NRXN3: variants seen among roughly 807,000 people sequenced by gnomAD.
NRXN3 encodes neurexin III.
Under a neutral mutation model 137.6 loss-of-function variants are expected in NRXN3, and 32 were observed. The observed-to-expected ratio is 0.23, with a 90% CI of 0.18 to 0.31. NRXN3 has a LOEUF of 0.31. NRXN3 is among the 10% of genes least tolerant of loss of function. NRXN3 has a pLI of 1.00. For synonymous variants in NRXN3, 798 were observed against 784.5 expected (o/e 1.02, Z -0.29); for missense variants, 1,574 against 2,062.5 (o/e 0.76, Z 4.59).
At chr14:78,907,704 C>A (rs901251636) in intron 10 of NRXN3, among the ~76,000 whole-genome samples, 1 of 152,006 alleles carries the variant, frequency 6.6e-6, no homozygotes, top group Non-Finnish European at 1.5e-5. Flanking sequence ...AAACTTGTGT[C>A]ATGGGGGTTT....
At chr14:79,074,439 C>T (rs1432964277) in intron 15 of NRXN3, 1 of 152,104 alleles carries the variant, frequency 6.6e-6, no homozygotes, top group Admixed American at 6.5e-5. Flanking sequence ...ATAACTGGTC[C>T]AGAGGTCGGT....
intron 4 of NRXN3, among the ~76,000 whole-genome samples, chr14:78,575,144 G>A (rs1016995857): frequency 6.6e-6 from 1 of 152,192 alleles, no homozygotes; most frequent in Non-Finnish European, 1.5e-5. Flanking sequence ...TGCCATGATT[G>A]TAAGTTTCCT....
At chr14:78,221,795 G>A (rs779827811) in intron 1 of NRXN3, among the ~76,000 whole-genome samples, 11 of 152,166 alleles carry the variant, frequency 7.2e-5, no homozygotes, top group Non-Finnish European at 1.6e-4. Flanking sequence ...TTATCTCATC[G>A]TGAGGGCAGA....
chr14:78,558,346 T>C (rs1223239535), intron 4 of NRXN3, among the ~76,000 whole-genome samples: 1 of 152,232 alleles, frequency 6.6e-6, no homozygotes, highest in Non-Finnish European at 1.5e-5. Flanking sequence ...GTAGGAATTG[T>C]CTTCCATGTT....
chr14:79,661,345 T>C (rs973598285), intron 16 of NRXN3, among the ~76,000 whole-genome samples: 3 of 152,186 alleles, frequency 2.0e-5, no homozygotes, highest in African/African-American at 7.2e-5. Flanking sequence ...AGGTCCACCC[T>C]GTATCTCTGC....
intron 4 of NRXN3, among the ~76,000 whole-genome samples, chr14:78,441,843 T>C (rs939786995): frequency 6.6e-6 from 1 of 152,164 alleles, no homozygotes; most frequent in African/African-American, 2.4e-5. Flanking sequence ...ACACCTGTAA[T>C]CCCAGCACTT....
At chr14:79,145,893 A>G (rs1219430966) in intron 15 of NRXN3, among the ~76,000 whole-genome samples, 1 of 152,194 alleles carries the variant, frequency 6.6e-6, no homozygotes, top group African/African-American at 2.4e-5. Flanking sequence ...GGTTCTAGTT[A>G]CCTCTATAAA....
At chr14:79,613,262 G>A (rs2098122644) in intron 16 of NRXN3, among the ~76,000 whole-genome samples, 2 of 152,208 alleles carry the variant, frequency 1.3e-5, no homozygotes, top group South Asian at 4.1e-4. Flanking sequence ...TGCTTAAACT[G>A]TTTAAATGTG....
Position 78,709,660 on chromosome 14 carries a change from G to C in NRXN3, c.1660+5G>C, listed in dbSNP as rs1315901128. On this transcript the variant is annotated splice_donor_5th_base_variant and intron_variant, in intron 7 of 20. Transcript: ENST00000335750. The stretch of plus-strand genomic sequence containing the variant: ...TTCAGCGAGATGGCAGATCAGGTAG[G>C]AAGAGGCAGGATGTGTGACTGAGAC... The C allele has an allele frequency of 6.2e-7, 1 of 1,605,506 alleles. No individual in the cohort carries two copies. The highest frequency in any genetic ancestry group is 1.7e-5 in the Admixed American group (1 of 59,764).
intron 4 of NRXN3, among the ~76,000 whole-genome samples, chr14:78,589,846 C>T (rs979114747): frequency 7.2e-5 from 11 of 152,066 alleles, no homozygotes; most frequent in Admixed American, 1.3e-4. Context: ...AATCAAATGG[C>T]CTTAAATTTG....
chr14:79,271,383 C>T, intron 15 of NRXN3, among the ~76,000 whole-genome samples: 1 of 146,428 alleles, frequency 6.8e-6, no homozygotes, highest in Non-Finnish European at 1.5e-5. Flanking sequence ...CCTCCCTTAC[C>T]TTCCTCCTTC....
chr14:78,387,946 C>T (rs2090214104), intron 4 of NRXN3, among the ~76,000 whole-genome samples: 1 of 152,160 alleles, frequency 6.6e-6, no homozygotes. Flanking sequence ...GGAGTTTTCT[C>T]TGCCTTTTCT....
chr14:78,381,811 G>A (rs1472738840), intron 4 of NRXN3, among the ~76,000 whole-genome samples: 1 of 152,158 alleles, frequency 6.6e-6, no homozygotes. Flanking sequence ...TAATTATACT[G>A]AGTGAAAAAA....
intron 15 of NRXN3, among the ~76,000 whole-genome samples, chr14:79,220,156 A>G (rs2069297290): frequency 6.6e-6 from 1 of 152,176 alleles, no homozygotes; most frequent in Admixed American, 6.6e-5. Flanking sequence ...TGAGATTAAG[A>G]TCTGCTTTTC....
At position 78,848,779 on chromosome 14, in the gene NRXN3, G is replaced by A. The variant is rs145052487; in HGVS notation, c.2275+38435G>A. Among the ~76,000 whole-genome samples the A allele has an allele frequency of 3.3e-5, 5 of 152,260 alleles. No homozygotes were observed. In the East Asian group the frequency reaches 9.7e-4, roughly 29 times the overall value. The stretch of plus-strand genomic sequence containing the variant: ...GAGAGGGAGCCAGCAATTTGTTTCT[G>A]TAGGCAAAAGGAGATTACAGAAGAG... On this transcript the variant is annotated intron_variant, in intron 10 of 20. Coordinates refer to ENST00000335750, the MANE Select transcript of NRXN3 (RefSeq NM_001330195.2).
intron 14 of NRXN3, among the ~76,000 whole-genome samples, chr14:78,983,854 T>TAA (rs965751583): frequency 2.9e-4 from 31 of 105,932 alleles, no homozygotes; most frequent in African/African-American, 7.6e-4. Context: ...AGATTCCATT[T>TAA]AAAAAAAAAA....
At position 79,745,273 on chromosome 14, in the gene NRXN3, C is replaced by G. The variant is rs2098976176; in HGVS notation, c.4014+47336C>G. On this transcript the variant is annotated intron_variant, in intron 19 of 20. Transcript: ENST00000335750. ...TAGATAGGCTATTCTGTATGCAAGA[C>G]CTTCTGTAGCTGTTCTAGATGCCAG... is the stretch of plus-strand genomic sequence containing the variant. Among the ~76,000 whole-genome samples the G allele has an allele frequency of 2.6e-5, 4 of 152,152 alleles. No homozygotes were observed. In the South Asian group the frequency reaches 6.2e-4, roughly 24 times the overall value.
chr14:79,215,848 T>TA (rs1180651211), intron 15 of NRXN3, among the ~76,000 whole-genome samples: 3 of 152,106 alleles, frequency 2.0e-5, no homozygotes, highest in Non-Finnish European at 4.4e-5. Context: ...GTAGAAACAA[T>TA]AAAAAAACAC....
chr14:79,598,100 G>C (rs564945335), intron 16 of NRXN3, among the ~76,000 whole-genome samples: 1 of 152,278 alleles, frequency 6.6e-6, no homozygotes, highest in Admixed American at 6.5e-5. Context: ...TCATTATGTA[G>C]TGATTAGAGG....
Sources: gnomAD v4.1 joint callset for allele counts (sites outside exome capture counted in the v4.1 genomes callset) on GRCh38, gnomAD v4.1.1 for gene constraint, MANE v1.5 for transcripts, NCBI Gene and HGNC (gene_info 2026-07-23, HGNC 2026-07-21) for gene names.